PRPSAP2: variants seen among roughly 807,000 people sequenced by gnomAD.
PRPSAP2 encodes phosphoribosyl pyrophosphate synthetase associated protein 2, also known as phosphoribosyl pyrophosphate synthase-associated protein 2.
In PRPSAP2, 24 loss-of-function variants were observed where a neutral mutation model predicts 40.6. The observed-to-expected ratio is 0.59, with a 90% CI of 0.43 to 0.83. The LOEUF is 0.83. PRPSAP2 is among the 40% of genes least tolerant of loss of function. PRPSAP2 has a pLI of 0.00. For missense variants in PRPSAP2, 292 were observed against 465.6 expected (o/e 0.63, Z 3.43); for synonymous variants, 149 against 164.7 (o/e 0.90, Z 0.73).
chr17:18,900,195 T>C (rs549798792), intron 8 of PRPSAP2, among the ~76,000 whole-genome samples: 1 of 152,232 alleles, frequency 6.6e-6, no homozygotes, highest in South Asian at 2.1e-4. Flanking sequence ...GCTAATTTTG[T>C]ATTTTTAGTA....
intron 9 of PRPSAP2, among the ~76,000 whole-genome samples, chr17:18,912,764 G>A (rs536084099): frequency 6.6e-6 from 1 of 152,304 alleles, no homozygotes; most frequent in Admixed American, 6.5e-5. Flanking sequence ...GCCCAGTGTG[G>A]TGGTTCACGC....
At position 18,872,626 on chromosome 17, in the gene PRPSAP2, T is replaced by C. The variant is rs764016169; in HGVS notation, c.216T>C (p.Val72=). The C allele has an allele frequency of 6.3e-7, 1 of 1,599,326 alleles. No homozygotes were observed. The highest frequency in any genetic ancestry group is 1.7e-5 in the Admixed American group (1 of 59,934). Residue 72 remains valine, a synonymous_variant, in exon 5 of 12, where the codon GTT becomes GTC. Transcript: ENST00000268835. ...QIQESVRGKD[V]FIIQTVSKDV... ...AAGAGTCTGTGAGGGGAAAAGATGT[T>C]TTCATCATCCAAACTGTTTCGAAGT... is the stretch of plus-strand genomic sequence containing the variant.
intron 11 of PRPSAP2, among the ~76,000 whole-genome samples, chr17:18,929,385 T>TAATAATAAC (rs1555566554): frequency 3.2e-4 from 49 of 150,940 alleles, no homozygotes; most frequent in African/African-American, 1.1e-3. Context: ...ATAATAATAA[T>TAATAATAAC]AATAATGTGT....
chr17:18,902,890 A>G (rs943401203), intron 8 of PRPSAP2, among the ~76,000 whole-genome samples: 17 of 149,838 alleles, frequency 1.1e-4, no homozygotes, highest in East Asian at 3.9e-4. Context: ...AAAAAAAAAA[A>G]AAAGAAATTG....
At chr17:18,885,208 C>T (rs950576356) in intron 7 of PRPSAP2, among the ~76,000 whole-genome samples, 1 of 151,816 alleles carries the variant, frequency 6.6e-6, no homozygotes, top group Non-Finnish European at 1.5e-5. Context: ...TAAGACCATC[C>T]TCGGCAATAT....
At chr17:18,868,051 G>A (rs1226513573) in intron 4 of PRPSAP2, among the ~76,000 whole-genome samples, 4 of 152,164 alleles carry the variant, frequency 2.6e-5, no homozygotes, top group East Asian at 1.9e-4. Flanking sequence ...TGGAAGGATC[G>A]CTTGAGCCCA....
intron 2 of PRPSAP2, 100 bp downstream of exon 2, chr17:18,865,664 A>G (rs1054989775): frequency 7.7e-6 from 3 of 390,010 alleles, no homozygotes; most frequent in East Asian, 5.2e-5. Context: ...CTGTTTGTCC[A>G]TATATATCTA....
At chr17:18,877,600 T>C (rs2038398884) in intron 5 of PRPSAP2, 98 bp from the exon 6 acceptor site, 1 of 1,169,938 alleles carries the variant, frequency 8.5e-7, no homozygotes, top group African/African-American at 1.5e-5. Context: ...GCACCTTAGG[T>C]TGTATAAAGG....
At chr17:18,913,467 G>A (rs968054997) in intron 9 of PRPSAP2, among the ~76,000 whole-genome samples, 5 of 151,198 alleles carry the variant, frequency 3.3e-5, no homozygotes, top group Non-Finnish European at 7.4e-5. Flanking sequence ...CTTATGATGA[G>A]ATGGGCAGTC....
intron 9 of PRPSAP2, among the ~76,000 whole-genome samples, chr17:18,913,773 C>G (rs772719410): frequency 6.6e-6 from 1 of 151,060 alleles, no homozygotes; most frequent in Non-Finnish European, 1.5e-5. Flanking sequence ...GTCTTGAACT[C>G]CTGAGCTCAA....
intron 8 of PRPSAP2, among the ~76,000 whole-genome samples, chr17:18,910,040 A>G (rs375319342): frequency 6.6e-6 from 1 of 152,364 alleles, no homozygotes; most frequent in East Asian, 1.9e-4. Context: ...ATATTCACCC[A>G]GCAGAATATT....
At chr17:18,880,025 G>A (rs2038612627) in intron 6 of PRPSAP2, among the ~76,000 whole-genome samples, 1 of 152,086 alleles carries the variant, frequency 6.6e-6, no homozygotes, top group South Asian at 2.1e-4. Context: ...GAACCCGGGA[G>A]GTGGAGGTTG....
chr17:18,873,828 A>G (rs1209944087), intron 5 of PRPSAP2, among the ~76,000 whole-genome samples: 1 of 152,152 alleles, frequency 6.6e-6, no homozygotes, highest in Non-Finnish European at 1.5e-5. Flanking sequence ...AGCTAGGTAT[A>G]GAAGATTCAA....
chr17:18,884,919 A>G (rs1257786341), intron 7 of PRPSAP2, among the ~76,000 whole-genome samples: 1 of 152,204 alleles, frequency 6.6e-6, no homozygotes, highest in Non-Finnish European at 1.5e-5. Context: ...CTCAAGGCAC[A>G]AATGGCAATT....
At chr17:18,888,907 G>C (rs1212037445) in intron 7 of PRPSAP2, among the ~76,000 whole-genome samples, 1 of 152,198 alleles carries the variant, frequency 6.6e-6, no homozygotes, top group African/African-American at 2.4e-5. Flanking sequence ...AGAGACAATA[G>C]ACTTGTTTTT....
chr17:18,887,325 C>T (rs960526222), intron 7 of PRPSAP2, among the ~76,000 whole-genome samples: 5 of 151,864 alleles, frequency 3.3e-5, no homozygotes, highest in Admixed American at 6.6e-5. Flanking sequence ...AAACAATTCT[C>T]CTGGGTTCAA....
At position 18,924,291 on chromosome 17, in the gene PRPSAP2, C is replaced by T. The variant is rs550151925; in HGVS notation, c.804+307C>T. On this transcript the variant is annotated intron_variant, in intron 10 of 11. Coordinates refer to ENST00000268835, the MANE Select transcript of PRPSAP2 (RefSeq NM_002767.4). ...CTGAACTTAAGTGATCCACCTGCCT[C>T]GGCCTCCCAAAGTGTTGGGATTACA... Among the ~76,000 whole-genome samples the T allele has an allele frequency of 1.7e-3, 257 of 152,246 alleles. 3 individuals carry two copies. The highest frequency in any genetic ancestry group is 5.8e-3 in the African/African-American group (240 of 41,550).
At chr17:18,924,090 A>G in intron 10 of PRPSAP2, 106 bp downstream of exon 10, 1 of 1,112,854 alleles carries the variant, frequency 9.0e-7, no homozygotes, top group South Asian at 1.6e-5. Flanking sequence ...CCCAGGCTGG[A>G]GTGCAGTGGC....
chr17:18,916,019 C>T (rs1460579956), intron 9 of PRPSAP2, among the ~76,000 whole-genome samples: 1 of 151,994 alleles, frequency 6.6e-6, no homozygotes, highest in African/African-American at 2.4e-5. Flanking sequence ...GGGGTTTCAC[C>T]TTGTTGCCCA....
Sources: allele counts gnomAD v4.1 joint callset (sites outside exome capture counted in the v4.1 genomes callset), GRCh38; gene constraint gnomAD v4.1.1; transcripts MANE v1.5; gene names NCBI Gene and HGNC (gene_info 2026-07-23, HGNC 2026-07-21).